The following UNC13C variants were observed in gnomAD, a reference collection of about 807,000 sequenced individuals.
UNC13C encodes the protein unc-13 homolog C.
In UNC13C, 174 loss-of-function variants were observed where a neutral mutation model predicts 245.4. That is an observed-to-expected ratio of 0.71 (90% CI 0.63 to 0.80). UNC13C has a LOEUF of 0.80. Among genes scored for constraint, UNC13C ranks in the 30% least tolerant of loss-of-function variants. The probability of loss-of-function intolerance (pLI) is 0.00; values close to 1 mark genes in which losing one functional copy is unlikely to be tolerated. For synonymous variants in UNC13C, 992 were observed against 895.1 expected (o/e 1.11, Z -1.93); for missense variants, 2,829 against 2,602.9 (o/e 1.09, Z -1.89).
intron 15 of UNC13C, among the ~76,000 whole-genome samples, chr15:54,333,345 G>T (rs2038490223): frequency 1.3e-5 from 2 of 151,748 alleles, no homozygotes; most frequent in African/African-American, 4.8e-5. Flanking sequence ...GTTTTTTTGT[G>T]ACTAAAAGTA....
chr15:53,883,128 T>A, the UNC13C span, among the ~76,000 whole-genome samples: 1 of 152,186 alleles, frequency 6.6e-6, no homozygotes, highest in Non-Finnish European at 1.5e-5. Context: ...AAACTAACTC[T>A]GTAGGAAAAG....
At chr15:54,186,836 A>AATATAT (rs372623344) in intron 4 of UNC13C, among the ~76,000 whole-genome samples, 12,981 of 125,970 alleles carry the variant, frequency 0.1, 1,458 homozygotes, top group Middle Eastern at 0.17. Context: ...CAAAGAACAT[A>AATATAT]ATATATATGT....
the UNC13C span, among the ~76,000 whole-genome samples, chr15:53,863,526 A>C: frequency 1.3e-5 from 2 of 152,336 alleles, no homozygotes; most frequent in South Asian, 4.1e-4. Flanking sequence ...TTTTAATACA[A>C]GAATGCTTAT....
At chr15:54,034,243 G>A (rs1896480857) in intron 2 of UNC13C, among the ~76,000 whole-genome samples, 1 of 152,190 alleles carries the variant, frequency 6.6e-6, no homozygotes, top group African/African-American at 2.4e-5. Context: ...CTGTAAGTGT[G>A]TGTCTACCAT....
At chr15:54,403,183 C>T (rs2040222030) in intron 18 of UNC13C, among the ~76,000 whole-genome samples, 1 of 152,122 alleles carries the variant, frequency 6.6e-6, no homozygotes, top group Admixed American at 6.5e-5. Context: ...TTAGGCTGTC[C>T]CTGGCCATCT....
intron 13 of UNC13C, 92 bp downstream of exon 13, chr15:54,300,465 C>A: frequency 6.4e-6 from 8 of 1,240,874 alleles, no homozygotes; most frequent in Non-Finnish European, 8.8e-6. Flanking sequence ...TCAAATGAAA[C>A]TGATTAAAAA....
intron 17 of UNC13C, among the ~76,000 whole-genome samples, chr15:54,380,049 G>T (rs746545836): frequency 4.6e-5 from 7 of 151,900 alleles, no homozygotes; most frequent in Non-Finnish European, 8.8e-5. Context: ...GTTAACTATG[G>T]TAAACATGGT....
At chr15:54,241,640 C>G (rs995094125) in intron 7 of UNC13C, among the ~76,000 whole-genome samples, 1 of 152,190 alleles carries the variant, frequency 6.6e-6, no homozygotes, top group African/African-American at 2.4e-5. Flanking sequence ...TAATAGTTAC[C>G]TCACAGTTTG....
Position 54,575,054 on chromosome 15 carries a change from G to C in UNC13C, c.6106+7107G>C, listed in dbSNP as rs146449619. Among the ~76,000 whole-genome samples the C allele has an allele frequency of 1.3e-5, 2 of 152,070 alleles. 1 individual carries two copies. The highest frequency in any genetic ancestry group is 3.9e-4 in the East Asian group (2 of 5,170). ...ATTTATTTATTTGTTTATTTATTTT[G>C]AGATGGAGTCTGTCTCTGTCACCCA... is the stretch of plus-strand genomic sequence containing the variant. On this transcript the variant is annotated intron_variant, in intron 30 of 32. Transcript: ENST00000260323.
At chr15:54,272,689 C>T (rs2036718712) in intron 10 of UNC13C, among the ~76,000 whole-genome samples, 1 of 152,048 alleles carries the variant, frequency 6.6e-6, no homozygotes, top group Non-Finnish European at 1.5e-5. Flanking sequence ...ATAATAATAA[C>T]CAATTCTACT....
intron 2 of UNC13C, among the ~76,000 whole-genome samples, chr15:54,029,894 C>A (rs1051818460): frequency 6.6e-5 from 10 of 152,190 alleles, no homozygotes; most frequent in Non-Finnish European, 1.5e-4. Context: ...CTTTTCAGAT[C>A]TCTGCCTCAG....
At chr15:54,375,244 A>G (rs2039580197) in intron 17 of UNC13C, among the ~76,000 whole-genome samples, 1 of 152,224 alleles carries the variant, frequency 6.6e-6, no homozygotes, top group African/African-American at 2.4e-5. Flanking sequence ...AACTGTATCA[A>G]ATGAAAGGTT....
intron 29 of UNC13C, among the ~76,000 whole-genome samples, chr15:54,559,485 G>A (rs1412843586): frequency 6.6e-6 from 1 of 152,030 alleles, no homozygotes; most frequent in Non-Finnish European, 1.5e-5. Context: ...ACCTAGTTTA[G>A]AGGATTGCAA....
intron 18 of UNC13C, among the ~76,000 whole-genome samples, chr15:54,394,975 A>T (rs765063704): frequency 6.6e-6 from 1 of 151,852 alleles, no homozygotes; most frequent in African/African-American, 2.4e-5. Context: ...TAGCAATGAC[A>T]TGTGCAAAAG....
At chr15:54,469,115 T>C (rs1323462554) in intron 19 of UNC13C, among the ~76,000 whole-genome samples, 1 of 151,610 alleles carries the variant, frequency 6.6e-6, no homozygotes, top group Non-Finnish European at 1.5e-5. Flanking sequence ...CTTTTATCAA[T>C]GTTTTAGAGA....
intron 8 of UNC13C, among the ~76,000 whole-genome samples, chr15:54,252,653 G>A (rs1465682313): frequency 1.3e-5 from 2 of 152,038 alleles, no homozygotes; most frequent in East Asian, 1.9e-4. Context: ...ATTGTTTTAA[G>A]CCAAAAAAAT....
chr15:54,189,358 A>G (rs1436771039), intron 4 of UNC13C, among the ~76,000 whole-genome samples: 3 of 152,148 alleles, frequency 2.0e-5, no homozygotes, highest in African/African-American at 7.2e-5. Context: ...GGGCCCTCTG[A>G]TGGTACGATT....
At chr15:54,283,836 G>T (rs546651789) in intron 10 of UNC13C, among the ~76,000 whole-genome samples, 1 of 152,090 alleles carries the variant, frequency 6.6e-6, no homozygotes, top group African/African-American at 2.4e-5. Flanking sequence ...TCCCGAAGTC[G>T]TATTGCTAGT....
Position 54,467,137 on chromosome 15 carries a change from G to A in UNC13C, c.4934-27471G>A, listed in dbSNP as rs372422318. On this transcript the variant is annotated intron_variant, in intron 19 of 32. Coordinates refer to ENST00000260323, the MANE Select transcript of UNC13C (RefSeq NM_001080534.3). ...ATTATCTATATTTTAAACAAGGACTGGAAATACAGCTGTGAACAAGATAGA... is the reference window on the plus strand; with the variant it reads ...ATTATCTATATTTTAAACAAGGACTAGAAATACAGCTGTGAACAAGATAGA... Among the ~76,000 whole-genome samples the A allele has an allele frequency of 4.6e-5, 7 of 151,904 alleles. 1 individual carries two copies. Among genetic ancestry groups the A allele is most frequent in the East Asian group, 1.9e-4 (1 of 5,180 alleles).
Sources: gnomAD v4.1 joint callset for allele counts (sites outside exome capture counted in the v4.1 genomes callset) on GRCh38, gnomAD v4.1.1 for gene constraint, MANE v1.5 for transcripts, NCBI Gene and HGNC (gene_info 2026-07-23, HGNC 2026-07-21) for gene names.